JDP2: variants seen among roughly 807,000 people sequenced by gnomAD.
JDP2 encodes the protein progesterone receptor co-activator.
JDP2 carries 9 observed loss-of-function variants against 17.1 expected under a neutral mutation model. The observed-to-expected ratio is 0.53, with a 90% CI of 0.32 to 0.92. The LOEUF (loss-of-function observed/expected upper bound fraction) is 0.92. Among genes scored for constraint, JDP2 ranks in the 40% least tolerant of loss-of-function variants. The pLI, the probability that JDP2 is intolerant of heterozygous loss-of-function variation, is 0.04. For synonymous variants in JDP2, 107 were observed against 95.6 expected (o/e 1.12, Z -0.69); for missense variants, 179 against 220.0 (o/e 0.81, Z 1.18).
At chr14:75,457,330 G>C (rs991103539) in intron 2 of JDP2, among the ~76,000 whole-genome samples, 3 of 152,272 alleles carry the variant, frequency 2.0e-5, no homozygotes, top group Admixed American at 6.5e-5. Context: ...TGGGGACGAA[G>C]GAGCCCCAAG....
chr14:75,453,319 G>T (rs983851176), intron 2 of JDP2, among the ~76,000 whole-genome samples: 3 of 152,190 alleles, frequency 2.0e-5, no homozygotes, highest in South Asian at 4.1e-4. Flanking sequence ...TGCAGGGGGG[G>T]CCCTGGTGGG....
intron 3 of JDP2, among the ~76,000 whole-genome samples, chr14:75,462,725 C>T (rs1886395264): frequency 6.6e-6 from 1 of 152,104 alleles, no homozygotes; most frequent in Non-Finnish European, 1.5e-5. Context: ...GCTAGATTGG[C>T]CTGGTGTTTT....
At position 75,428,265 on chromosome 14, in the gene JDP2, G is replaced by T. The variant is rs1594939508; in HGVS notation, c.-24+13G>T. ...CACCTTCTGCACGGTGGGTGCGAGG[G>T]CGCGCGCTGGGGGCGCCGGGACGGG... On this transcript the variant is annotated intron_variant, in intron 1 of 3. Coordinates refer to ENST00000651602, the MANE Select transcript of JDP2 (RefSeq NM_001135048.2). This position sits in a 1 kb window ranked among gnomAD's most constrained non-coding sequence, Gnocchi z 5.6. 2.0e-5 allele frequency: 3 copies of T among 146,692 alleles called. No individual in the cohort carries two copies. In the South Asian group the frequency reaches 6.1e-4, roughly 30 times the overall value. 9.1% of individuals were successfully genotyped at this position (146,692 alleles called of 1,614,324 possible).
intron 2 of JDP2, among the ~76,000 whole-genome samples, chr14:75,460,197 G>C (rs1292159616): frequency 6.6e-6 from 1 of 152,188 alleles, no homozygotes; most frequent in East Asian, 1.9e-4. Flanking sequence ...CCCCATTCCA[G>C]GGGTCGTATT....
intron 3 of JDP2, among the ~76,000 whole-genome samples, chr14:75,462,235 G>C (rs544347863): frequency 7.9e-4 from 120 of 152,344 alleles, no homozygotes; most frequent in Non-Finnish European, 1.5e-3. Flanking sequence ...AATGGTGGCT[G>C]GCAGTGAGGG....
chr14:75,436,427 G>T (rs1411412812), intron 1 of JDP2, among the ~76,000 whole-genome samples: 2 of 152,236 alleles, frequency 1.3e-5, no homozygotes, highest in Admixed American at 6.5e-5. Context: ...TGGAAGGATA[G>T]GCCAAAGATT....
chr14:75,462,383 G>A (rs1886380137), intron 3 of JDP2, among the ~76,000 whole-genome samples: 1 of 152,180 alleles, frequency 6.6e-6, no homozygotes, highest in Non-Finnish European at 1.5e-5. Context: ...TAAGTACACA[G>A]TAACTAACAA....
intron 2 of JDP2, chr14:75,445,042 G>C (rs80083836): frequency 2.1e-6 from 2 of 935,282 alleles, no homozygotes; most frequent in South Asian, 9.9e-5. Flanking sequence ...CTTAAGAAGG[G>C]CTGTCAAGTC....
chr14:75,436,619 C>T (rs1310103706), intron 1 of JDP2, among the ~76,000 whole-genome samples: 2 of 152,340 alleles, frequency 1.3e-5, no homozygotes, highest in African/African-American at 4.8e-5. Flanking sequence ...ATTCCTAGTG[C>T]CTGCTGGCCT....
At chr14:75,441,902 C>G (rs1355755851) in intron 2 of JDP2, among the ~76,000 whole-genome samples, 2 of 152,144 alleles carry the variant, frequency 1.3e-5, no homozygotes, top group African/African-American at 4.8e-5. Flanking sequence ...GGTGGTCACA[C>G]CCTGCCTCTG....
chr14:75,452,244 T>C (rs981214876), intron 2 of JDP2, among the ~76,000 whole-genome samples: 2 of 152,198 alleles, frequency 1.3e-5, no homozygotes, highest in African/African-American at 4.8e-5. Flanking sequence ...GGTAGCCTGA[T>C]GGAATGGAGT....
rs1885611966 is a variant in JDP2 at position 75,446,597 on chromosome 14, G to C, written c.201+8476G>C. Among the ~76,000 whole-genome samples, 5 of 152,202 alleles carry C rather than the reference G, an allele frequency of 3.3e-5. No homozygotes were observed. The South Asian group carries it at 1.0e-3, about 31-fold the overall frequency. ...TGGGTCCATTTAGATGAAATGTCCA[G>C]AATAGGCAAATTCATAGAGACAGGA... On this transcript the variant is annotated intron_variant, in intron 2 of 3. Coordinates refer to ENST00000651602, the MANE Select transcript of JDP2 (RefSeq NM_001135048.2).
At chr14:75,463,966 C>A (rs1220238016) in intron 3 of JDP2, among the ~76,000 whole-genome samples, 1 of 152,176 alleles carries the variant, frequency 6.6e-6, no homozygotes, top group Non-Finnish European at 1.5e-5. Context: ...ATCCCTCTGG[C>A]GGCAATGTGG....
intron 1 of JDP2, among the ~76,000 whole-genome samples, chr14:75,434,027 TG>T (rs1884944514): frequency 6.6e-6 from 1 of 152,210 alleles, no homozygotes; most frequent in African/African-American, 2.4e-5. Flanking sequence ...TGTTTCCGTA[TG>T]GAACAACCAG....
intron 3 of JDP2, among the ~76,000 whole-genome samples, chr14:75,467,293 C>G (rs1225063173): frequency 2.0e-5 from 3 of 152,220 alleles, no homozygotes; most frequent in Admixed American, 6.5e-5. Context: ...TCAACCCAGC[C>G]TGAGTCAACC....
chr14:75,468,897 G>A (rs999000703), intron 3 of JDP2, among the ~76,000 whole-genome samples: 21 of 152,198 alleles, frequency 1.4e-4, no homozygotes, highest in Admixed American at 4.6e-4. Context: ...TGCTTGCTCC[G>A]TAGACCTGCT....
intron 2 of JDP2, chr14:75,445,164 A>G (rs1260249103): frequency 3.0e-6 from 3 of 985,072 alleles, no homozygotes; most frequent in African/African-American, 3.5e-5. Context: ...CTGAACAACT[A>G]TGAAGCCATT....
chr14:75,449,333 A>G (rs1030531700), intron 2 of JDP2, among the ~76,000 whole-genome samples: 1 of 152,260 alleles, frequency 6.6e-6, no homozygotes, highest in South Asian at 2.1e-4. Flanking sequence ...CCTTGTTCAT[A>G]AATATTCTGT....
chr14:75,460,544 A>G (rs1886307703), intron 2 of JDP2, among the ~76,000 whole-genome samples: 1 of 152,174 alleles, frequency 6.6e-6, no homozygotes, highest in South Asian at 2.1e-4. Context: ...GACGTTTTTA[A>G]AGGAAGTGCC....
Sources: allele counts gnomAD v4.1 joint callset (sites outside exome capture counted in the v4.1 genomes callset), GRCh38; gene constraint gnomAD v4.1.1; non-coding constraint Gnocchi (gnomAD v3.1); transcripts MANE v1.5; gene names NCBI Gene and HGNC (gene_info 2026-07-23, HGNC 2026-07-21).